NRXN3: variants seen among roughly 807,000 people sequenced by gnomAD.
NRXN3 encodes the protein neurexin 3, also known as neurexin III.
Under a neutral mutation model 137.6 loss-of-function variants are expected in NRXN3, and 32 were observed. The observed-to-expected ratio is 0.23, with a 90% CI of 0.18 to 0.31. The LOEUF (loss-of-function observed/expected upper bound fraction) is 0.31. Among genes scored for constraint, NRXN3 ranks in the 10% least tolerant of loss-of-function variants. NRXN3 has a pLI of 1.00. For synonymous variants in NRXN3, 798 were observed against 784.5 expected (o/e 1.02, Z -0.29); for missense variants, 1,574 against 2,062.5 (o/e 0.76, Z 4.59).
At chr14:78,954,994 A>G (rs2099394242) in intron 10 of NRXN3, among the ~76,000 whole-genome samples, 1 of 151,990 alleles carries the variant, frequency 6.6e-6, no homozygotes, top group Admixed American at 6.6e-5. Context: ...AATGTTCCCA[A>G]ACTACTATGT....
intron 10 of NRXN3, among the ~76,000 whole-genome samples, chr14:78,843,352 ATTC>A (rs1258935118): frequency 6.6e-5 from 10 of 152,106 alleles, no homozygotes; most frequent in African/African-American, 2.4e-4. Context: ...TAAGACACGT[ATTC>A]TTTTTAGCTT....
chr14:79,172,677 A>G (rs959619638), intron 15 of NRXN3, among the ~76,000 whole-genome samples: 3 of 152,210 alleles, frequency 2.0e-5, no homozygotes, highest in African/African-American at 4.8e-5. Flanking sequence ...TCCCCACTAC[A>G]TTTCTAAGTA....
intron 4 of NRXN3, among the ~76,000 whole-genome samples, chr14:78,473,753 G>A (rs1159703395): frequency 6.6e-6 from 1 of 152,196 alleles, no homozygotes; most frequent in African/African-American, 2.4e-5. Context: ...GGCTTGACTG[G>A]GGCCGGAGGA....
chr14:79,478,737 A>G (rs1024519756), intron 16 of NRXN3, among the ~76,000 whole-genome samples: 3 of 152,124 alleles, frequency 2.0e-5, no homozygotes, highest in Admixed American at 1.3e-4. Flanking sequence ...ACCACTCAGC[A>G]CAGCTCTTGG....
chr14:79,104,369 A>G (rs2051953650), intron 15 of NRXN3, among the ~76,000 whole-genome samples: 1 of 152,178 alleles, frequency 6.6e-6, no homozygotes, highest in Non-Finnish European at 1.5e-5. Flanking sequence ...CTATGAGTAT[A>G]GATGAGATAT....
intron 15 of NRXN3, among the ~76,000 whole-genome samples, chr14:79,068,873 C>G (rs2099683956): frequency 6.6e-6 from 1 of 151,990 alleles, no homozygotes; most frequent in Non-Finnish European, 1.5e-5. Context: ...ACTATTCAAG[C>G]TGGTGGGAGG....
chr14:79,684,019 T>C (rs2098683602), intron 17 of NRXN3, among the ~76,000 whole-genome samples: 1 of 152,180 alleles, frequency 6.6e-6, no homozygotes, highest in Admixed American at 6.6e-5. Flanking sequence ...AAAGTATTTT[T>C]AGATATTTTA....
chr14:79,508,125 C>T (rs1300911652), intron 16 of NRXN3, among the ~76,000 whole-genome samples: 1 of 152,074 alleles, frequency 6.6e-6, no homozygotes, highest in Admixed American at 6.6e-5. Context: ...CACTGAAACT[C>T]TCTACAGTCC....
At chr14:78,987,765 C>T (rs894640214) in intron 14 of NRXN3, among the ~76,000 whole-genome samples, 9 of 151,876 alleles carry the variant, frequency 5.9e-5, no homozygotes, top group African/African-American at 1.7e-4. Flanking sequence ...AAAGTCAACC[C>T]GAAGGAGAAC....
chr14:78,520,817 C>G (rs574810239), intron 4 of NRXN3, among the ~76,000 whole-genome samples: 16 of 152,244 alleles, frequency 1.1e-4, no homozygotes, highest in Non-Finnish European at 1.9e-4. Context: ...TGGGAAGAGA[C>G]AGAACACTGC....
At chr14:79,063,152 C>T (rs1298439394) in intron 15 of NRXN3, among the ~76,000 whole-genome samples, 1 of 152,176 alleles carries the variant, frequency 6.6e-6, no homozygotes, top group Non-Finnish European at 1.5e-5. Context: ...AATTAAACTC[C>T]CAGCTTCCAA....
chr14:79,655,812 G>A (rs2098502874), intron 16 of NRXN3, among the ~76,000 whole-genome samples: 1 of 152,150 alleles, frequency 6.6e-6, no homozygotes, highest in African/African-American at 2.4e-5. Context: ...TGTCCCTGGA[G>A]ATAAGCATCC....
intron 15 of NRXN3, among the ~76,000 whole-genome samples, chr14:79,419,019 G>A (rs1278933605): frequency 3.3e-5 from 5 of 152,142 alleles, no homozygotes; most frequent in East Asian, 3.8e-4. Context: ...GATGAAAATC[G>A]AACTCTACTT....
At chr14:78,750,354 C>T (rs1352677210) in intron 8 of NRXN3, among the ~76,000 whole-genome samples, 1 of 152,060 alleles carries the variant, frequency 6.6e-6, no homozygotes, top group South Asian at 2.1e-4. Context: ...ATCATAGGAA[C>T]CTCAAGTTTG....
rs556553789 is a variant in NRXN3 at position 79,862,100 on chromosome 14, G to A, written c.*136G>A. On this transcript the variant is annotated 3_prime_UTR_variant, in exon 21 of 21. Transcript: ENST00000335750. The stretch of plus-strand genomic sequence containing the variant: ...GGGTATATAACCACGACTCTGGTGG[G>A]GAAAACCGTTTTTTAAAGGACACAC... The A allele has an allele frequency of 1.2e-5, 9 of 743,048 alleles. No individual in the cohort carries two copies. The South Asian group carries it at 1.7e-4, about 14-fold the overall frequency. The allele number at this position is 743,048 out of a possible 1,614,324, so 46.0% of individuals were successfully genotyped here.
At chr14:78,715,747 CT>C (rs2098428775) in intron 8 of NRXN3, among the ~76,000 whole-genome samples, 1 of 152,142 alleles carries the variant, frequency 6.6e-6, no homozygotes, top group Admixed American at 6.6e-5. Flanking sequence ...TGAAACTTGA[CT>C]TCCTCATTTG....
At chr14:79,026,906 T>C (rs1385179658) in intron 15 of NRXN3, among the ~76,000 whole-genome samples, 3 of 140,282 alleles carry the variant, frequency 2.1e-5, no homozygotes, top group Non-Finnish European at 4.6e-5. Context: ...GAATCATGCG[T>C]GATCCCAGAA....
At chr14:79,271,636 AC>A (rs1342477234) in intron 15 of NRXN3, among the ~76,000 whole-genome samples, 1 of 148,658 alleles carries the variant, frequency 6.7e-6, no homozygotes, top group African/African-American at 2.5e-5. Flanking sequence ...CCCATGGAAT[AC>A]CTCTCTTTTG....
rs558772413 is a variant in NRXN3 at position 78,580,323 on chromosome 14, A to G, written c.758-64797A>G. The stretch of plus-strand genomic sequence containing the variant: ...GGAGCTGCCAATCTCATTACACACC[A>G]GTTTTCATGACTATCCTCAACTTAC... On this transcript the variant is annotated intron_variant, in intron 4 of 20. Transcript: ENST00000335750. Among the ~76,000 whole-genome samples the G allele has an allele frequency of 2.0e-5, 3 of 152,172 alleles. No individual in the cohort carries two copies. In the South Asian group the frequency reaches 6.2e-4, roughly 32 times the overall value.
Sources: gnomAD v4.1 joint callset for allele counts (sites outside exome capture counted in the v4.1 genomes callset) on GRCh38, gnomAD v4.1.1 for gene constraint, MANE v1.5 for transcripts, NCBI Gene and HGNC (gene_info 2026-07-23, HGNC 2026-07-21) for gene names.